FNDC3A: variants seen among roughly 807,000 people sequenced by gnomAD.
FNDC3A encodes the protein fibronectin type-III domain-containing protein 3A.
A neutral mutation model predicts 148.9 loss-of-function variants in FNDC3A; 32 were observed. The ratio of observed to expected loss-of-function variants is 0.21; its 90% CI spans 0.16 to 0.29. FNDC3A has a LOEUF of 0.29. Ranked by LOEUF, FNDC3A falls within the 10% of genes least tolerant of loss-of-function variation. The pLI, the probability that FNDC3A is intolerant of heterozygous loss-of-function variation, is 1.00. For synonymous variants in FNDC3A, 472 were observed against 473.6 expected, an observed-to-expected ratio of 1.00 and a Z score of 0.04; for missense variants, 1,191 against 1,452.8, an observed-to-expected ratio of 0.82 and a Z score of 2.93.
Position 49,207,590 on chromosome 13 carries a change from C to A in FNDC3A, c.*195C>A, listed in dbSNP as rs1238772932. ...ATTAGAATGCAAGCCACAAAAATATCAATTTTGTTTTTTTTGTTAGGGTGG... is the reference window on the plus strand; with the variant it reads ...ATTAGAATGCAAGCCACAAAAATATAAATTTTGTTTTTTTTGTTAGGGTGG... On this transcript the variant is annotated 3_prime_UTR_variant, in exon 26 of 26. Transcript: ENST00000492622. The A allele has an allele frequency of 9.2e-6, 4 of 435,888 alleles. No homozygotes were observed. The highest frequency in any genetic ancestry group is 1.6e-5 in the Non-Finnish European group (4 of 246,670). 27.0% of individuals were successfully genotyped at this position (435,888 alleles called of 1,614,324 possible). A position where few individuals can be genotyped will look rare whatever the true frequency, so the allele number is the denominator to read the frequency against.
rs181205371 is a variant in FNDC3A at position 49,070,083 on chromosome 13, T to C, written c.100-5206T>C. ...AAACCTCTGGATCAGTGTTGCCTAA[T>C]AGAAATATAATACAAGCCACATAAG... On this transcript the variant is annotated intron_variant, in intron 2 of 25. Transcript: ENST00000492622. Among the ~76,000 whole-genome samples, 449 of 152,280 alleles carry C rather than the reference T, an allele frequency of 2.9e-3. 3 individuals are homozygous for C. The highest frequency in any genetic ancestry group is 0.019 in the South Asian group (91 of 4,826).
rs548032080 is a variant in FNDC3A, at chr13:49,208,745, G to A, written c.*1350G>A. On this transcript the variant is annotated 3_prime_UTR_variant, in exon 26 of 26. Transcript: ENST00000492622. ...TCTTGTTTTAGCACATCTGTTATCC[G>A]TAAAACACCTGTAACTAGCTTTTTT... 6 of 152,658 alleles carry A rather than the reference G, an allele frequency of 3.9e-5. No homozygotes were observed. Among genetic ancestry groups the A allele is most frequent in the African/African-American group, 7.2e-5 (3 of 41,552 alleles). The allele number at this position is 152,658 out of a possible 1,614,324, so 9.5% of individuals were successfully genotyped here.
chr13:49,095,171 CA>C (rs1879443985), intron 3 of FNDC3A, among the ~76,000 whole-genome samples: 1 of 151,848 alleles, frequency 6.6e-6, no homozygotes, highest in South Asian at 2.1e-4. Context: ...ACCCTAAGCT[CA>C]TTCAGGAAAG....
At chr13:49,113,848 A>G (rs1174822015) in intron 3 of FNDC3A, among the ~76,000 whole-genome samples, 1 of 152,172 alleles carries the variant, frequency 6.6e-6, no homozygotes, top group Non-Finnish European at 1.5e-5. Context: ...TCCTAGAAAG[A>G]ACAAAACACA....
At position 49,207,402 on chromosome 13, in the gene FNDC3A, A is replaced by C. The variant is rs754451177; in HGVS notation, c.*7A>C. The C allele has an allele frequency of 3.3e-6, 5 of 1,506,006 alleles. No homozygotes were observed. The African/African-American group carries it at 7.0e-5, about 21-fold the overall frequency. 93.3% of individuals were successfully genotyped at this position (1,506,006 alleles called of 1,614,324 possible). ...GTACTTTGTAATCAAGTGAAAATAT[A>C]ACTTTATTTTTTAACTCTATTACAT... On this transcript the variant is annotated 3_prime_UTR_variant, in exon 26 of 26. Coordinates refer to ENST00000492622, the MANE Select transcript of FNDC3A (RefSeq NM_001079673.2).
intron 2 of FNDC3A, among the ~76,000 whole-genome samples, chr13:49,068,797 G>A (rs943847952): frequency 1.3e-5 from 2 of 152,100 alleles, no homozygotes; most frequent in South Asian, 2.1e-4. Context: ...GCAAACTAAC[G>A]CAGGAACAGA....
In FNDC3A at chr13:49,103,885, A is replaced by C. The variant is rs77716419; in HGVS notation, c.176-10770A>C. ...TATTATAGATCTAGAGCTCAAGAAA[A>C]AGTCTGGATGAGATACAGAATGATA... On this transcript the variant is annotated intron_variant, in intron 3 of 25. Transcript: ENST00000492622. 8.2e-3 allele frequency among the ~76,000 whole-genome samples: 1,254 copies of C among 152,290 alleles called. 19 individuals are homozygous for C. The highest frequency in any genetic ancestry group is 0.028 in the African/African-American group (1,184 of 41,552).
chr13:48,986,552 C>T (rs1195040503), intron 1 of FNDC3A, among the ~76,000 whole-genome samples: 1 of 151,824 alleles, frequency 6.6e-6, no homozygotes, highest in Non-Finnish European at 1.5e-5. Flanking sequence ...CGTGCCACCA[C>T]ACCCGGCTAA....
At chr13:49,098,512 A>G (rs1240703496) in intron 3 of FNDC3A, among the ~76,000 whole-genome samples, 2 of 152,188 alleles carry the variant, frequency 1.3e-5, no homozygotes, top group African/African-American at 2.4e-5. Context: ...TGCTGCATTC[A>G]TGGACATTAA....
intron 2 of FNDC3A, among the ~76,000 whole-genome samples, chr13:49,055,994 C>T (rs1876209596): frequency 6.6e-6 from 1 of 151,856 alleles, no homozygotes; most frequent in Non-Finnish European, 1.5e-5. Context: ...CAAGACCAGC[C>T]CAGGCAGCAT....
At chr13:49,070,279 C>A (rs547750769) in intron 2 of FNDC3A, among the ~76,000 whole-genome samples, 11 of 151,698 alleles carry the variant, frequency 7.3e-5, no homozygotes, top group Non-Finnish European at 1.3e-4. Flanking sequence ...TTACAGGCAC[C>A]CGCCACCACG....
chr13:49,008,608 T>C (rs2137604269), intron 2 of FNDC3A, among the ~76,000 whole-genome samples: 1 of 152,344 alleles, frequency 6.6e-6, no homozygotes, highest in South Asian at 2.1e-4. Flanking sequence ...ATTAAGATTA[T>C]CTGTCTCCTC....
chr13:49,109,346 A>G (rs1398199924), intron 3 of FNDC3A, among the ~76,000 whole-genome samples: 1 of 152,226 alleles, frequency 6.6e-6, no homozygotes, highest in Non-Finnish European at 1.5e-5. Context: ...GAAATAAGCT[A>G]AGACTTCAGA....
intron 8 of FNDC3A, among the ~76,000 whole-genome samples, chr13:49,159,195 A>G (rs1315588935): frequency 1.3e-5 from 2 of 152,184 alleles, no homozygotes; most frequent in African/African-American, 4.8e-5. Flanking sequence ...CATTGAATCT[A>G]TAAATTACCT....
At chr13:49,114,090 A>G (rs1880761648) in intron 3 of FNDC3A, among the ~76,000 whole-genome samples, 2 of 152,110 alleles carry the variant, frequency 1.3e-5, no homozygotes, top group African/African-American at 2.4e-5. Flanking sequence ...TTAAGCCCCC[A>G]TAGACATGAG....
In FNDC3A at chr13:49,056,349, A is replaced by G. The variant is rs146565116; in HGVS notation, c.100-18940A>G. On this transcript the variant is annotated intron_variant, in intron 2 of 25. Coordinates refer to ENST00000492622, the MANE Select transcript of FNDC3A (RefSeq NM_001079673.2). ...TTGCTGTTCTAATTGTTATTTCTTT[A>G]TAAGTAACATGTATTTTTTCTCTCT... Among the ~76,000 whole-genome samples the G allele has an allele frequency of 1.7e-3, 259 of 152,236 alleles. 1 individual carries two copies. Among genetic ancestry groups the G allele is most frequent in the African/African-American group, 5.7e-3 (237 of 41,546 alleles).
chr13:49,151,453 A>G (rs1883289034), intron 8 of FNDC3A, among the ~76,000 whole-genome samples: 2 of 152,096 alleles, frequency 1.3e-5, no homozygotes, highest in South Asian at 4.1e-4. Flanking sequence ...CTTTACTTTC[A>G]GTCTGTATGT....
At chr13:49,029,642 T>A (rs2137660927) in intron 2 of FNDC3A, among the ~76,000 whole-genome samples, 1 of 152,260 alleles carries the variant, frequency 6.6e-6, no homozygotes, top group Middle Eastern at 3.4e-3. Flanking sequence ...TTTGAAAAGA[T>A]CAACAAAATT....
chr13:49,096,620 C>T (rs1223069373), intron 3 of FNDC3A, among the ~76,000 whole-genome samples: 1 of 152,140 alleles, frequency 6.6e-6, no homozygotes, highest in East Asian at 1.9e-4. Context: ...AACACAGTCA[C>T]TGAATGTGTG....
Sources: gnomAD v4.1 joint callset for allele counts (sites outside exome capture counted in the v4.1 genomes callset) on GRCh38, gnomAD v4.1.1 for gene constraint, MANE v1.5 for transcripts, NCBI Gene and HGNC (gene_info 2026-07-23, HGNC 2026-07-21) for gene names.